Variants in DKK2 observed in about 807,000 individuals in gnomAD.
The protein encoded by DKK2 is dickkopf-related protein 2.
In DKK2, 11 loss-of-function variants were observed where a neutral mutation model predicts 28.1. That is an observed-to-expected ratio of 0.39 (90% CI 0.25 to 0.65). DKK2 has a LOEUF of 0.65. DKK2 is among the 30% of genes least tolerant of loss of function. The pLI is 0.47. For synonymous variants in DKK2, 135 were observed against 126.5 expected, an observed-to-expected ratio of 1.07 and a Z score of -0.45; for missense variants, 326 against 335.5, an observed-to-expected ratio of 0.97 and a Z score of 0.22.
At chr4:106,964,190 C>G (rs1391019881) in intron 1 of DKK2, among the ~76,000 whole-genome samples, 2 of 152,078 alleles carry the variant, frequency 1.3e-5, no homozygotes, top group Non-Finnish European at 2.9e-5. Context: ...ATAATTAAAT[C>G]CTGCTATTGA....
chr4:107,005,236 G>C (rs1723419080), intron 1 of DKK2, among the ~76,000 whole-genome samples: 1 of 151,012 alleles, frequency 6.6e-6, no homozygotes, highest in Admixed American at 6.6e-5. Context: ...AGCTACTCCG[G>C]AGGCTGAGGC....
intron 1 of DKK2, among the ~76,000 whole-genome samples, chr4:107,015,303 A>G (rs536964793): frequency 1.1e-3 from 169 of 151,712 alleles, no homozygotes; most frequent in African/African-American, 3.9e-3. Flanking sequence ...CTTTGCTACT[A>G]ATAAGATCGA....
intron 1 of DKK2, among the ~76,000 whole-genome samples, chr4:106,936,690 GA>G (rs1385273679): frequency 6.6e-6 from 1 of 152,100 alleles, no homozygotes; most frequent in East Asian, 1.9e-4. Context: ...TGAAATGAAC[GA>G]AAAAATGTTA....
intron 1 of DKK2, among the ~76,000 whole-genome samples, chr4:107,022,172 A>G (rs1248239475): frequency 6.6e-6 from 1 of 152,124 alleles, no homozygotes; most frequent in Non-Finnish European, 1.5e-5. Flanking sequence ...TAGAAACAGA[A>G]TCAAGAACTA....
intron 1 of DKK2, among the ~76,000 whole-genome samples, chr4:107,010,537 G>T (rs1048558901): frequency 6.6e-6 from 1 of 151,504 alleles, no homozygotes; most frequent in South Asian, 2.1e-4. Flanking sequence ...TCACAATAAA[G>T]ATTAGGAGAA....
intron 1 of DKK2, among the ~76,000 whole-genome samples, chr4:107,029,030 C>T (rs1428002118): frequency 6.6e-6 from 1 of 151,964 alleles, no homozygotes; most frequent in East Asian, 1.9e-4. Flanking sequence ...GGACGGGGGG[C>T]AAGTAGAGGC....
At chr4:107,011,759 T>C (rs1723521899) in intron 1 of DKK2, among the ~76,000 whole-genome samples, 1 of 151,296 alleles carries the variant, frequency 6.6e-6, no homozygotes, top group Non-Finnish European at 1.5e-5. Context: ...AAACACAACA[T>C]ACAGTTTGTT....
chr4:107,031,473 C>T (rs1341955066), intron 1 of DKK2, among the ~76,000 whole-genome samples: 2 of 152,024 alleles, frequency 1.3e-5, no homozygotes, highest in Admixed American at 1.3e-4. Flanking sequence ...GTTCAAGCTT[C>T]TCTTTCAATG....
chr4:106,953,709 A>G (rs1010361612), intron 1 of DKK2, among the ~76,000 whole-genome samples: 1 of 152,224 alleles, frequency 6.6e-6, no homozygotes, highest in African/African-American at 2.4e-5. Flanking sequence ...CTCCTTCAGA[A>G]GTGGAACACT....
intron 1 of DKK2, among the ~76,000 whole-genome samples, chr4:106,935,082 T>G (rs1724560137): frequency 6.6e-6 from 1 of 151,752 alleles, no homozygotes; most frequent in Admixed American, 6.6e-5. Context: ...TAATAAACCT[T>G]TTGGTTAAAA....
intron 1 of DKK2, among the ~76,000 whole-genome samples, chr4:106,980,239 TA>T (rs1241002203): frequency 2.0e-5 from 3 of 152,068 alleles, no homozygotes; most frequent in Non-Finnish European, 4.4e-5. Context: ...ACTATATGGT[TA>T]TATATCTTTA....
At chr4:106,948,481 G>C (rs937446370) in intron 1 of DKK2, among the ~76,000 whole-genome samples, 2 of 152,132 alleles carry the variant, frequency 1.3e-5, no homozygotes, top group Admixed American at 6.6e-5. Context: ...CAGCTTGTAG[G>C]GGGTACTTGC....
intron 1 of DKK2, among the ~76,000 whole-genome samples, chr4:106,972,119 G>A (rs1722876911): frequency 6.6e-6 from 1 of 151,990 alleles, no homozygotes; most frequent in Non-Finnish European, 1.5e-5. Context: ...CCTATTGAAT[G>A]CAATTCAATG....
intron 1 of DKK2, among the ~76,000 whole-genome samples, chr4:106,943,176 T>C (rs1195323990): frequency 2.0e-5 from 3 of 152,136 alleles, no homozygotes; most frequent in Non-Finnish European, 4.4e-5. Context: ...CCAGATAAGC[T>C]TGATGTTCCA....
intron 1 of DKK2, among the ~76,000 whole-genome samples, chr4:107,033,593 C>G (rs892941732): frequency 4.6e-5 from 7 of 152,016 alleles, no homozygotes; most frequent in Non-Finnish European, 1.0e-4. Flanking sequence ...AATAGTGGAA[C>G]AGAAACAAAA....
intron 1 of DKK2, among the ~76,000 whole-genome samples, chr4:106,929,753 A>G (rs1300002958): frequency 6.6e-6 from 1 of 152,220 alleles, no homozygotes; most frequent in Non-Finnish European, 1.5e-5. Context: ...TTAGCATAAA[A>G]TATTTTTTAA....
At chr4:107,029,010 G>T (rs1350017195) in intron 1 of DKK2, among the ~76,000 whole-genome samples, 1 of 152,122 alleles carries the variant, frequency 6.6e-6, no homozygotes, top group African/African-American at 2.4e-5. Context: ...AAAGGTAGGG[G>T]TATATGGGAG....
At chr4:106,991,750 A>G (rs1357797131) in intron 1 of DKK2, among the ~76,000 whole-genome samples, 1 of 152,174 alleles carries the variant, frequency 6.6e-6, no homozygotes, top group Non-Finnish European at 1.5e-5. Flanking sequence ...ATGCATGTAT[A>G]CACACCAAAA....
At chr4:107,016,853 G>T (rs1723615049) in intron 1 of DKK2, among the ~76,000 whole-genome samples, 1 of 151,870 alleles carries the variant, frequency 6.6e-6, no homozygotes, top group South Asian at 2.1e-4. Context: ...ATGGGATTTG[G>T]ACATACTGAA....
Sources: allele counts gnomAD v4.1 joint callset (sites outside exome capture counted in the v4.1 genomes callset), GRCh38; gene constraint gnomAD v4.1.1; transcripts MANE v1.5; gene names NCBI Gene and HGNC (gene_info 2026-07-23, HGNC 2026-07-21).